The following PCDH15 variants were observed in gnomAD, a reference collection of about 807,000 sequenced individuals.
PCDH15 encodes the protein protocadherin-15.
Under a neutral mutation model 178.5 loss-of-function variants are expected in PCDH15, and 129 were observed. That is an observed-to-expected ratio of 0.72 (90% CI 0.63 to 0.84). The LOEUF is 0.84. Ranked by LOEUF, PCDH15 falls within the 40% of genes least tolerant of loss-of-function variation. PCDH15 has a pLI of 0.00. For missense variants in PCDH15, 2,230 were observed against 2,099.9 expected, an observed-to-expected ratio of 1.06 and a Z score of -1.21; for synonymous variants, 800 against 732.0, an observed-to-expected ratio of 1.09 and a Z score of -1.50.
chr10:55,434,900 GC>G (rs775800729), intron 2 of PCDH15, among the ~76,000 whole-genome samples: 4 of 152,106 alleles, frequency 2.6e-5, no homozygotes, highest in Non-Finnish European at 5.9e-5. Flanking sequence ...ACCACACCCA[GC>G]CTGATGTTAT....
intron 1 of PCDH15, among the ~76,000 whole-genome samples, chr10:54,782,087 T>C (rs1221866735): frequency 2.0e-5 from 3 of 152,138 alleles, no homozygotes; most frequent in South Asian, 4.1e-4. Flanking sequence ...TAAAATAGAA[T>C]TGAGAAATCT....
At chr10:54,459,670 A>G (rs941403921) in intron 3 of PCDH15, among the ~76,000 whole-genome samples, 1 of 152,176 alleles carries the variant, frequency 6.6e-6, no homozygotes, top group Non-Finnish European at 1.5e-5. Flanking sequence ...TATTGAAAAC[A>G]TCGTTTCCAA....
chr10:54,026,347 G>A (rs996925485), intron 18 of PCDH15, among the ~76,000 whole-genome samples: 1 of 152,064 alleles, frequency 6.6e-6, no homozygotes, highest in African/African-American at 2.4e-5. Flanking sequence ...TGAGATTACA[G>A]GCATGAGCCA....
intron 25 of PCDH15, among the ~76,000 whole-genome samples, chr10:53,915,972 T>C (rs1288798011): frequency 6.6e-6 from 1 of 152,186 alleles, no homozygotes; most frequent in Admixed American, 6.5e-5. Context: ...CAGGACCCCC[T>C]TCTGATACCA....
chr10:54,539,681 C>T (rs1384212767), intron 2 of PCDH15, among the ~76,000 whole-genome samples: 3 of 152,100 alleles, frequency 2.0e-5, no homozygotes, highest in African/African-American at 7.2e-5. Context: ...ATATACATTC[C>T]TCTCATCTGC....
At chr10:55,228,909 T>C (rs1038488416) in intron 1 of PCDH15, among the ~76,000 whole-genome samples, 1 of 151,970 alleles carries the variant, frequency 6.6e-6, no homozygotes, top group Non-Finnish European at 1.5e-5. Flanking sequence ...CTTGTTAGTT[T>C]TAATGATTAG....
intron 1 of PCDH15, among the ~76,000 whole-genome samples, chr10:54,723,934 T>TG (rs1430162517): frequency 4.0e-5 from 6 of 151,786 alleles, no homozygotes; most frequent in African/African-American, 1.4e-4. Context: ...TTATACACTG[T>TG]TGGTGAGAAT....
chr10:55,424,795 G>A (rs1838711304), intron 2 of PCDH15, among the ~76,000 whole-genome samples: 1 of 151,966 alleles, frequency 6.6e-6, no homozygotes, highest in South Asian at 2.1e-4. Flanking sequence ...TTCCAGAAGT[G>A]CCAAACATCA....
At chr10:55,262,011 A>G (rs936205453) in intron 1 of PCDH15, among the ~76,000 whole-genome samples, 3 of 141,776 alleles carry the variant, frequency 2.1e-5, no homozygotes, top group Non-Finnish European at 3.1e-5. Flanking sequence ...AAGAAAGAGA[A>G]GAAGAGAAAA....
rs1472367791 is a variant in PCDH15 at position 53,827,470 on chromosome 10, T to A, written c.4290A>T (p.Ala1430=). Residue 1430 remains alanine (A), a synonymous_variant, in exon 32 of 38, where the codon GCA becomes GCT. Transcript: ENST00000644397. ...PAAKPAVPAP[A]PVAAPPPPPP... ...GCGGCGGCGGGGGCGCTGCCACTGGTGCAGGAGCCGGCACTGCTGGTTTAG... is the reference window on the plus strand; with the variant it reads ...GCGGCGGCGGGGGCGCTGCCACTGGAGCAGGAGCCGGCACTGCTGGTTTAG... 1 of 1,613,898 alleles carries A rather than the reference T, an allele frequency of 6.2e-7. No homozygotes were observed. Among genetic ancestry groups the A allele is most frequent in the Admixed American group, 1.7e-5 (1 of 60,002 alleles).
intron 2 of PCDH15, among the ~76,000 whole-genome samples, chr10:55,418,104 G>C (rs1838528493): frequency 6.6e-6 from 1 of 151,354 alleles, no homozygotes; most frequent in Non-Finnish European, 1.5e-5. Flanking sequence ...CATAACAAAA[G>C]GAAATGTAAT....
At chr10:53,868,038 G>T (rs897232520) in intron 26 of PCDH15, among the ~76,000 whole-genome samples, 3 of 151,664 alleles carry the variant, frequency 2.0e-5, no homozygotes, top group African/African-American at 7.3e-5. Context: ...CATATATTGG[G>T]CTGGCTTTAT....
intron 13 of PCDH15, among the ~76,000 whole-genome samples, chr10:54,180,607 T>C (rs1363732896): frequency 6.6e-6 from 1 of 152,162 alleles, no homozygotes; most frequent in Non-Finnish European, 1.5e-5. Flanking sequence ...AGGTGTAGCA[T>C]AGGGACCTAT....
chr10:55,035,220 T>A (rs1840705228), intron 2 of PCDH15, among the ~76,000 whole-genome samples: 1 of 151,776 alleles, frequency 6.6e-6, no homozygotes, highest in South Asian at 2.1e-4. Flanking sequence ...GCATGTTGAG[T>A]GGATAATTAA....
chr10:55,051,389 A>T (rs1445295413), intron 2 of PCDH15, among the ~76,000 whole-genome samples: 1 of 152,172 alleles, frequency 6.6e-6, no homozygotes, highest in Non-Finnish European at 1.5e-5. Flanking sequence ...AATATAGTAA[A>T]CAGTAGCAAT....
chr10:54,155,480 C>A (rs1022775723), intron 13 of PCDH15, among the ~76,000 whole-genome samples: 2 of 152,074 alleles, frequency 1.3e-5, no homozygotes, highest in African/African-American at 4.8e-5. Flanking sequence ...CTAGATAACA[C>A]TATTTTTCAG....
intron 2 of PCDH15, among the ~76,000 whole-genome samples, chr10:54,662,563 A>G (rs1440716280): frequency 6.6e-6 from 1 of 151,990 alleles, no homozygotes. Flanking sequence ...ATTAGAGGCA[A>G]TGCAAATATA....
intron 15 of PCDH15, among the ~76,000 whole-genome samples, chr10:54,131,401 A>G (rs2042423809): frequency 6.6e-6 from 1 of 152,124 alleles, no homozygotes; most frequent in South Asian, 2.1e-4. Flanking sequence ...ATGTAAAGAC[A>G]AAGATCTTAT....
intron 7 of PCDH15, among the ~76,000 whole-genome samples, chr10:54,318,939 A>G (rs2061433352): frequency 6.6e-6 from 1 of 152,210 alleles, no homozygotes; most frequent in South Asian, 2.1e-4. Context: ...GAAGGAAATC[A>G]TGATGGACAG....
Sources: allele counts gnomAD v4.1 joint callset (sites outside exome capture counted in the v4.1 genomes callset), GRCh38; gene constraint gnomAD v4.1.1; transcripts MANE v1.5; gene names NCBI Gene and HGNC (gene_info 2026-07-23, HGNC 2026-07-21).